The following CREB5 variants were observed in gnomAD, a reference collection of about 807,000 sequenced individuals.
The protein encoded by CREB5 is cyclic AMP-responsive element-binding protein 5.
In CREB5, 19 loss-of-function variants were observed where a neutral mutation model predicts 57.1. The ratio of observed to expected loss-of-function variants is 0.33; its 90% CI spans 0.23 to 0.49. The LOEUF (loss-of-function observed/expected upper bound fraction) is 0.49. Ranked by LOEUF, CREB5 falls within the 20% of genes least tolerant of loss-of-function variation. The probability of loss-of-function intolerance (pLI) is 0.99; values close to 1 mark genes in which losing one functional copy is unlikely to be tolerated. For synonymous variants in CREB5, 238 were observed against 238.3 expected (o/e 1.00, Z 0.01); for missense variants, 579 against 671.6 (o/e 0.86, Z 1.52).
intron 7 of CREB5, among the ~76,000 whole-genome samples, chr7:28,796,134 C>G (rs908455066): frequency 6.6e-6 from 1 of 152,078 alleles, no homozygotes; most frequent in African/African-American, 2.4e-5. Flanking sequence ...TTGTCTAGTT[C>G]CATAATATTT....
intron 7 of CREB5, among the ~76,000 whole-genome samples, chr7:28,727,820 G>A (rs1190365082): frequency 6.6e-6 from 1 of 152,230 alleles, no homozygotes; most frequent in Non-Finnish European, 1.5e-5. Flanking sequence ...TTTATTCAGA[G>A]TTAGTGAAGG....
intron 7 of CREB5, among the ~76,000 whole-genome samples, chr7:28,767,795 G>A (rs1806087219): frequency 1.3e-5 from 2 of 152,214 alleles, no homozygotes; most frequent in African/African-American, 4.8e-5. Flanking sequence ...AACAAAAGCA[G>A]CTCATTTTGC....
chr7:28,795,590 G>A (rs960333372), intron 7 of CREB5, among the ~76,000 whole-genome samples: 2 of 152,166 alleles, frequency 1.3e-5, no homozygotes, highest in African/African-American at 4.8e-5. Flanking sequence ...ACAGTGTTTC[G>A]CATAAGGTGG....
At chr7:28,747,933 A>G (rs1042931105) in intron 7 of CREB5, among the ~76,000 whole-genome samples, 4 of 152,082 alleles carry the variant, frequency 2.6e-5, no homozygotes, top group African/African-American at 9.6e-5. Context: ...GATGTCCTTA[A>G]CAGGCCCTTC....
intron 1 of CREB5, among the ~76,000 whole-genome samples, chr7:28,391,691 T>C (rs547604196): frequency 6.6e-6 from 1 of 152,328 alleles, no homozygotes; most frequent in South Asian, 2.1e-4. Flanking sequence ...TCCCATGTCC[T>C]CTGGGAAGGA....
intron 1 of CREB5, among the ~76,000 whole-genome samples, chr7:28,341,622 T>C (rs1307942658): frequency 6.6e-6 from 1 of 152,230 alleles, no homozygotes. Context: ...TTATTTTGTC[T>C]TGCATTCTTT....
At chr7:28,759,742 G>A (rs371444818) in intron 7 of CREB5, among the ~76,000 whole-genome samples, 2 of 152,208 alleles carry the variant, frequency 1.3e-5, no homozygotes, top group African/African-American at 2.4e-5. Context: ...GGAAGGTCTC[G>A]TGTCATCACT....
At chr7:28,566,501 C>A (rs746895788) in intron 4 of CREB5, among the ~76,000 whole-genome samples, 3 of 152,230 alleles carry the variant, frequency 2.0e-5, no homozygotes, top group Non-Finnish European at 4.4e-5. Context: ...TCAGAAATAA[C>A]TCAGCAAGAT....
At chr7:28,402,702 G>A (rs754465943) in intron 1 of CREB5, among the ~76,000 whole-genome samples, 6 of 152,174 alleles carry the variant, frequency 3.9e-5, no homozygotes, top group African/African-American at 1.2e-4. Flanking sequence ...TAAATGTTAG[G>A]CCTAAAACCA....
At chr7:28,560,278 T>C (rs1358844670) in intron 4 of CREB5, among the ~76,000 whole-genome samples, 2 of 151,950 alleles carry the variant, frequency 1.3e-5, no homozygotes, top group Non-Finnish European at 2.9e-5. Flanking sequence ...AAGGTGAAAA[T>C]TTGAAGTCAC....
chr7:28,503,795 C>T (rs1242135614), intron 3 of CREB5, among the ~76,000 whole-genome samples: 1 of 152,176 alleles, frequency 6.6e-6, no homozygotes, highest in Non-Finnish European at 1.5e-5. Context: ...GGGATTGACA[C>T]AGTCCAGCAT....
chr7:28,679,640 G>C (rs548261276), intron 5 of CREB5, among the ~76,000 whole-genome samples: 115 of 152,212 alleles, frequency 7.6e-4, no homozygotes, highest in African/African-American at 2.7e-3. Context: ...AAATCTTCCT[G>C]GTCAGAATCA....
At chr7:28,409,942 G>A (rs1787700749), upstream of CREB5, 1 of 453,514 alleles carries the variant, frequency 2.2e-6, no homozygotes, top group Non-Finnish European at 4.4e-6. This position sits in a 1 kb window ranked among gnomAD's most constrained non-coding sequence, Gnocchi z 4.4. Flanking sequence ...TCAAGCGGCA[G>A]CGGAGACGGC....
intron 2 of CREB5, among the ~76,000 whole-genome samples, chr7:28,490,738 T>C (rs1562753045): frequency 6.6e-6 from 1 of 152,238 alleles, no homozygotes; most frequent in Non-Finnish European, 1.5e-5. Flanking sequence ...CATTGCCAAA[T>C]GTCCCCTGTG....
intron 1 of CREB5, among the ~76,000 whole-genome samples, chr7:28,324,339 C>T (rs1260760428): frequency 2.0e-5 from 3 of 152,164 alleles, no homozygotes; most frequent in Non-Finnish European, 4.4e-5. Flanking sequence ...CTGCTTCAGT[C>T]ATTCCGGTTG....
chr7:28,550,846 G>A (rs915798420), intron 4 of CREB5, among the ~76,000 whole-genome samples: 2 of 152,144 alleles, frequency 1.3e-5, no homozygotes, highest in Non-Finnish European at 2.9e-5. Context: ...CTAAAGCCAG[G>A]GGCCGTTAAG....
chr7:28,566,202 C>T (rs547795288), intron 4 of CREB5, among the ~76,000 whole-genome samples: 45 of 152,168 alleles, frequency 3.0e-4, no homozygotes, highest in Non-Finnish European at 5.6e-4. Flanking sequence ...CCTAAAGCAA[C>T]CTAGATTTAT....
chr7:28,803,235 A>G (rs1452049367), intron 7 of CREB5, among the ~76,000 whole-genome samples: 2 of 152,236 alleles, frequency 1.3e-5, no homozygotes, highest in African/African-American at 4.8e-5. Flanking sequence ...CTCAAAGTCA[A>G]AAGAAAGCTA....
intron 5 of CREB5, among the ~76,000 whole-genome samples, chr7:28,673,398 C>T (rs1800146635): frequency 6.6e-6 from 1 of 152,158 alleles, no homozygotes; most frequent in Non-Finnish European, 1.5e-5. Context: ...CGCTGGGCAG[C>T]CCACATTCCC....
Sources: gnomAD v4.1 joint callset for allele counts (sites outside exome capture counted in the v4.1 genomes callset) on GRCh38, gnomAD v4.1.1 for gene constraint, Gnocchi (gnomAD v3.1) non-coding constraint, MANE v1.5 for transcripts, NCBI Gene and HGNC (gene_info 2026-07-23, HGNC 2026-07-21) for gene names.